Variants in STPG2 observed in about 807,000 individuals in gnomAD.
STPG2 encodes sperm-tail PG-rich repeat-containing protein 2.
Under a neutral mutation model 54.2 loss-of-function variants are expected in STPG2, and 56 were observed. The ratio of observed to expected loss-of-function variants is 1.03; its 90% CI spans 0.83 to 1.29. The LOEUF is 1.29. STPG2 is among the 50% of genes most tolerant of loss of function. The pLI, the probability that STPG2 is intolerant of heterozygous loss-of-function variation, is 0.00. For synonymous variants in STPG2, 200 were observed against 181.8 expected, an observed-to-expected ratio of 1.10 and a Z score of -0.81; for missense variants, 596 against 544.9, an observed-to-expected ratio of 1.09 and a Z score of -0.93.
rs772510809 is a variant in STPG2, at chr4:97,700,507, C to G, written c.1320+12192G>C. Among the ~76,000 whole-genome samples, 35 of 152,194 alleles carry G rather than the reference C, an allele frequency of 2.3e-4. 1 individual carries two copies. Among genetic ancestry groups the G allele is most frequent in the South Asian group, 1.2e-3 (6 of 4,832 alleles). ...TCTCAAAAGGCCCCACACCACTGGACCCCTAGAAATTTTACTGAGGGAGAA... is the reference window on the plus strand; with the variant it reads ...TCTCAAAAGGCCCCACACCACTGGAGCCCTAGAAATTTTACTGAGGGAGAA... On this transcript the variant is annotated intron_variant, in intron 10 of 10. Coordinates refer to ENST00000295268, the MANE Select transcript of STPG2 (RefSeq NM_174952.3).
chr4:98,042,422 C>T (rs1054087722), intron 5 of STPG2, among the ~76,000 whole-genome samples: 1 of 151,562 alleles, frequency 6.6e-6, no homozygotes, highest in Admixed American at 6.6e-5. Flanking sequence ...CAGTAGGTTA[C>T]TAATTTGTGG....
At chr4:97,714,741 A>T (rs1032291070) in intron 9 of STPG2, among the ~76,000 whole-genome samples, 9 of 152,134 alleles carry the variant, frequency 5.9e-5, no homozygotes, top group Non-Finnish European at 1.0e-4. Context: ...ATTCAGAATT[A>T]AAAAAACACA....
At chr4:97,802,983 A>G (rs1727444038) in intron 9 of STPG2, among the ~76,000 whole-genome samples, 1 of 152,118 alleles carries the variant, frequency 6.6e-6, no homozygotes, top group Admixed American at 6.5e-5. Context: ...CTTCCTTTCA[A>G]CTAACAATCT....
At chr4:97,853,795 AT>A (rs1305839134) in intron 8 of STPG2, among the ~76,000 whole-genome samples, 2 of 151,888 alleles carry the variant, frequency 1.3e-5, no homozygotes, top group Admixed American at 6.6e-5. Flanking sequence ...TTATTTTTTT[AT>A]TTAGAAACTG....
chr4:97,886,786 T>A (rs1487762212), intron 8 of STPG2, among the ~76,000 whole-genome samples: 1 of 152,178 alleles, frequency 6.6e-6, no homozygotes, highest in Non-Finnish European at 1.5e-5. Context: ...TAGTCCCCAG[T>A]ATTGGACGTG....
At chr4:97,705,406 A>G (rs1480709976) in intron 10 of STPG2, among the ~76,000 whole-genome samples, 2 of 151,690 alleles carry the variant, frequency 1.3e-5, no homozygotes, top group African/African-American at 4.8e-5. Context: ...GCTCACTGCA[A>G]CCTCCATCTC....
chr4:97,543,561 T>G (rs1731768315), intron 4 of STPG2, among the ~76,000 whole-genome samples: 1 of 152,086 alleles, frequency 6.6e-6, no homozygotes, highest in African/African-American at 2.4e-5. Context: ...CAAGCTTCTA[T>G]TTTGCCAGAT....
chr4:98,068,157 C>T (rs563129388), intron 5 of STPG2, among the ~76,000 whole-genome samples: 1 of 152,292 alleles, frequency 6.6e-6, no homozygotes, highest in Admixed American at 6.5e-5. Context: ...ACCACAGGGC[C>T]TTTGATGTTC....
chr4:97,958,944 T>C (rs186136334), intron 7 of STPG2, among the ~76,000 whole-genome samples: 22 of 152,284 alleles, frequency 1.4e-4, no homozygotes, highest in Non-Finnish European at 2.8e-4. Flanking sequence ...GCACATGCAA[T>C]GTTCTCCAAG....
intron 9 of STPG2, among the ~76,000 whole-genome samples, chr4:97,753,717 T>C (rs1725649703): frequency 6.6e-6 from 1 of 152,010 alleles, no homozygotes; most frequent in Non-Finnish European, 1.5e-5. Context: ...GCCAACCTGG[T>C]AGGTGTGAAG....
intron 8 of STPG2, among the ~76,000 whole-genome samples, chr4:97,861,306 C>A (rs1203550058): frequency 6.6e-6 from 1 of 152,040 alleles, no homozygotes; most frequent in African/African-American, 2.4e-5. Context: ...CATCTCAACC[C>A]AATTAAAATG....
rs139423189 is a variant in STPG2 at position 97,791,812 on chromosome 4, A to T, written c.1204+48961T>A. Among the ~76,000 whole-genome samples the T allele has an allele frequency of 9.9e-4, 150 of 152,112 alleles. 1 individual carries two copies. The highest frequency in any genetic ancestry group is 3.4e-3 in the African/African-American group (143 of 41,498). On this transcript the variant is annotated intron_variant, in intron 9 of 10. Transcript: ENST00000295268. ...ACATATGATGCATCTAGAACCAAGC[A>T]TAACAAATAAAAAAAAAAGTACGTT...
At chr4:98,039,191 A>G (rs1162121943) in intron 5 of STPG2, among the ~76,000 whole-genome samples, 1 of 151,878 alleles carries the variant, frequency 6.6e-6, no homozygotes, top group African/African-American at 2.4e-5. Flanking sequence ...GTAATAGCAA[A>G]AAATTAGAAT....
At chr4:97,582,100 T>C (rs1057503620) in intron 10 of STPG2, among the ~76,000 whole-genome samples, 1 of 152,000 alleles carries the variant, frequency 6.6e-6, no homozygotes, top group South Asian at 2.1e-4. Flanking sequence ...CACTGGCTCC[T>C]GGAACCACCC....
At chr4:97,646,615 C>T (rs1721917409) in intron 10 of STPG2, among the ~76,000 whole-genome samples, 1 of 152,016 alleles carries the variant, frequency 6.6e-6, no homozygotes, top group African/African-American at 2.4e-5. Flanking sequence ...CTCACAGATT[C>T]CAAAAGCTTT....
intron 4 of STPG2, among the ~76,000 whole-genome samples, chr4:97,531,394 A>T (rs968306824): frequency 2.0e-5 from 3 of 152,330 alleles, no homozygotes; most frequent in South Asian, 2.1e-4. Flanking sequence ...CACTGAAGAG[A>T]TATATCTGCT....
chr4:97,970,713 G>T (rs183824060), intron 7 of STPG2, among the ~76,000 whole-genome samples: 101 of 152,296 alleles, frequency 6.6e-4, no homozygotes, highest in African/African-American at 2.3e-3. Flanking sequence ...ATCCCTAGAA[G>T]AAAACCTAGG....
chr4:97,868,475 ATAAGT>A (rs1205407775), intron 8 of STPG2, among the ~76,000 whole-genome samples: 1 of 151,880 alleles, frequency 6.6e-6, no homozygotes, highest in East Asian at 1.9e-4. Flanking sequence ...TAGAGGTAGC[ATAAGT>A]TAAGATCATA....
chr4:97,702,304 T>C (rs1560727057), intron 10 of STPG2, among the ~76,000 whole-genome samples: 1 of 152,194 alleles, frequency 6.6e-6, no homozygotes, highest in Non-Finnish European at 1.5e-5. Flanking sequence ...AAATTCAGCT[T>C]GATCCAACTC....
Sources: gnomAD v4.1 joint callset for allele counts (sites outside exome capture counted in the v4.1 genomes callset) on GRCh38, gnomAD v4.1.1 for gene constraint, MANE v1.5 for transcripts, NCBI Gene and HGNC (gene_info 2026-07-23, HGNC 2026-07-21) for gene names.